The following NCOR2 variants were observed in gnomAD, a reference collection of about 807,000 sequenced individuals.
NCOR2 encodes the protein CTG repeat protein 26.
NCOR2 carries 81 observed loss-of-function variants against 262.9 expected under a neutral mutation model. The ratio of observed to expected loss-of-function variants is 0.31; its 90% CI spans 0.26 to 0.37. NCOR2 has a LOEUF of 0.37. Among genes scored for constraint, NCOR2 ranks in the 10% least tolerant of loss-of-function variants. The probability of loss-of-function intolerance (pLI) is 1.00; values close to 1 mark genes in which losing one functional copy is unlikely to be tolerated. For synonymous variants in NCOR2, 1,659 were observed against 1,559.3 expected (o/e 1.06, Z -1.51); for missense variants, 3,385 against 3,621.4 (o/e 0.93, Z 1.68).
Position 124,483,862 on chromosome 12 carries a change from A to G in NCOR2, c.234-89T>C. The G allele has an allele frequency of 2.2e-6, 3 of 1,377,918 alleles. No individual in the cohort carries two copies. Among genetic ancestry groups the G allele is most frequent in the South Asian group, 1.5e-5 (1 of 65,974 alleles). 85.4% of individuals were successfully genotyped at this position (1,377,918 alleles called of 1,614,324 possible). A position where few individuals can be genotyped will look rare whatever the true frequency, so the allele number is the denominator to read the frequency against. ...CGACCACCCTCTGCGCCGAGCATCT[A>G]CTGCGCGCCGTGCTCTGTATGATCC... is the stretch of plus-strand genomic sequence containing the variant. On this transcript the variant is annotated intron_variant, in intron 2 of 46. Coordinates refer to ENST00000405201, the Ensembl canonical transcript of NCOR2. This position sits in a 1 kb window ranked among gnomAD's most constrained non-coding sequence, Gnocchi z 6.3.
intron 16 of NCOR2, among the ~76,000 whole-genome samples, chr12:124,392,234 G>A (rs2041356868): frequency 1.3e-5 from 2 of 152,302 alleles, no homozygotes; most frequent in Admixed American, 1.3e-4. Flanking sequence ...TCATCTTCAA[G>A]GGTGCTGACA....
chr12:124,329,082 A>G, intron 44 of NCOR2: 1 of 469,890 alleles, frequency 2.1e-6, no homozygotes, highest in Non-Finnish European at 4.4e-6. Context: ...AACGATCTCC[A>G]TTTATAAAGG....
In NCOR2 at chr12:124,372,190, G is replaced by A. The variant is rs370796836; in HGVS notation, c.2639C>T (p.Ala880Val). ...CTCGGCCGTGGCCTCAGCGGCCTCC[G>A]CGTCCTTGCCCTTGGCCGGCCCCTC... is the stretch of plus-strand genomic sequence containing the variant. Residue 880 changes from alanine to valine, a missense_variant, in exon 20 of 47, where the codon GCG (alanine) becomes GTG (valine). Coordinates refer to ENST00000405201, the Ensembl canonical transcript of NCOR2. The A allele has an allele frequency of 1.9e-5, 31 of 1,601,474 alleles. No homozygotes were observed. Among genetic ancestry groups the A allele is most frequent in the East Asian group, 8.9e-5 (4 of 44,870 alleles).
chr12:124,399,323 A>G lies in NCOR2; in HGVS notation c.1814-1142T>C, dbSNP rs3782261. 1.8e-4 allele frequency among the ~76,000 whole-genome samples: 27 copies of G among 152,270 alleles called. No homozygotes were observed. In the East Asian group the frequency reaches 5.2e-3, roughly 29 times the overall value. On this transcript the variant is annotated intron_variant, in intron 15 of 46. Transcript: ENST00000405201. The stretch of plus-strand genomic sequence containing the variant: ...GGGTGCTGAGGGTGCCCAGTGCCAG[A>G]AGAGACATGGAAGGCCTAGGAGTGT...
At chr12:124,356,581 A>G in intron 23 of NCOR2, 61 bp downstream of exon 25, 2 of 1,330,264 alleles carry the variant, frequency 1.5e-6, no homozygotes, top group Non-Finnish European at 1.9e-6. Context: ...GCCAGTGCAA[A>G]CAGTGCAAAC....
At chr12:124,333,794 G>A (rs970728523) in intron 41 of NCOR2, among the ~76,000 whole-genome samples, 5 of 152,220 alleles carry the variant, frequency 3.3e-5, no homozygotes, top group Admixed American at 1.3e-4. Context: ...GGGAGTGTGC[G>A]TGAGCATGTG....
intron 1 of NCOR2, among the ~76,000 whole-genome samples, chr12:124,550,589 A>G (rs554297350): frequency 2.0e-5 from 3 of 152,342 alleles, no homozygotes; most frequent in African/African-American, 4.8e-5. Context: ...TCTGGGGGGT[A>G]GGAACGTGGT....
In NCOR2 at chr12:124,503,839, G is replaced by T. The variant is rs1302842979; in HGVS notation, c.-117-8471C>A. 6.6e-6 allele frequency among the ~76,000 whole-genome samples: 1 copy of T among 152,100 alleles called. No individual in the cohort carries two copies. The highest frequency in any genetic ancestry group is 2.4e-5 in the African/African-American group (1 of 41,388). On this transcript the variant is annotated intron_variant, in intron 1 of 46. Coordinates refer to the NCOR2 transcript ENST00000404621. This position sits in a 1 kb window ranked among gnomAD's most constrained non-coding sequence, Gnocchi z 4.3. ...ATCAACTTAGCTGCTTCATTTTCCG[G>T]GTTTTTCTGGTCTTACATTTCTAAC...
At chr12:124,359,430 T>G (rs978460322) in intron 22 of NCOR2, among the ~76,000 whole-genome samples, 1 of 152,214 alleles carries the variant, frequency 6.6e-6, no homozygotes, top group Non-Finnish European at 1.5e-5. Context: ...TGTACCAAAT[T>G]GCCCCCAATT....
intron 31 of NCOR2, 103 bp downstream of exon 33, chr12:124,346,461 C>T: frequency 1.6e-6 from 2 of 1,259,704 alleles, no homozygotes; most frequent in Non-Finnish European, 1.0e-6. Flanking sequence ...TACGCGAGGG[C>T]TCTCAGCCTC....
intron 1 of NCOR2, among the ~76,000 whole-genome samples, chr12:124,543,862 C>T (rs548684253): frequency 2.6e-5 from 4 of 152,348 alleles, no homozygotes; most frequent in South Asian, 2.1e-4. Flanking sequence ...CCCTCACCCT[C>T]ACAGGCACCG....
chr12:124,500,434 G>A lies in NCOR2; in HGVS notation c.-117-5066C>T, dbSNP rs145131159. Among the ~76,000 whole-genome samples, 64 of 152,298 alleles carry A rather than the reference G, an allele frequency of 4.2e-4. No individual in the cohort carries two copies. In the East Asian group the frequency reaches 0.012, roughly 28 times the overall value. ...CAAGTGGGCCACATTCCCTGTTCCC[G>A]GCCACTGCGGGCTTTGGTAAGGTTT... On this transcript the variant is annotated intron_variant, in intron 1 of 46. Coordinates refer to the NCOR2 transcript ENST00000404621.
At position 124,442,325 on chromosome 12, in the gene NCOR2, G is replaced by A. The variant is rs1011104513; in HGVS notation, c.816-4329C>T. 3.7e-4 allele frequency among the ~76,000 whole-genome samples: 57 copies of A among 152,246 alleles called. 1 individual carries two copies. The highest frequency in any genetic ancestry group is 1.2e-3 in the African/African-American group (50 of 41,524). ...TACTTGGCTAATTTATTTTTTGGTA[G>A]AGATGAGGTCTTGCTTTGTTGCCCA... On this transcript the variant is annotated intron_variant, in intron 7 of 46. Coordinates refer to ENST00000405201, the Ensembl canonical transcript of NCOR2.
At chr12:124,346,613 G>C (rs769278609) in exon 31 of NCOR2, 1 of 1,591,822 alleles carries the variant, frequency 6.3e-7, no homozygotes, top group Non-Finnish European at 8.5e-7. Flanking sequence ...GGGCAGCTCG[G>C]GCGTGTGCCG....
intron 17 of NCOR2, 82 bp downstream of exon 19, chr12:124,385,663 G>A: frequency 6.4e-7 from 1 of 1,554,740 alleles, no homozygotes; most frequent in Non-Finnish European, 8.7e-7. Context: ...ATGCCTCCTG[G>A]GGTGCAGAGA....
intron 3 of NCOR2, among the ~76,000 whole-genome samples, chr12:124,480,857 G>C (rs916704157): frequency 2.2e-4 from 32 of 145,354 alleles, no homozygotes; most frequent in African/African-American, 8.2e-4. Context: ...GGGGGAGCAA[G>C]GGAATGGGGG....
chr12:124,561,665 A>G (rs2052078034), intron 1 of NCOR2, among the ~76,000 whole-genome samples: 1 of 152,114 alleles, frequency 6.6e-6, no homozygotes, highest in Non-Finnish European at 1.5e-5. Context: ...AAAAAGGACC[A>G]CTGAAAGGGG....
At position 124,334,984 on chromosome 12, in the gene NCOR2, T is replaced by C. The variant is rs1255410581; in HGVS notation, c.6411+151A>G. 5.9e-6 allele frequency: 7 copies of C among 1,188,698 alleles called. No homozygotes were observed. The East Asian group carries it at 1.4e-4, about 24-fold the overall frequency. 73.6% of individuals were successfully genotyped at this position (1,188,698 alleles called of 1,614,324 possible). ...TGCTCGGGGCTTTGGGATCTCACCC[T>C]CACCCACGCCCTGGATCCCCCCAGC... On this transcript the variant is annotated intron_variant, in intron 40 of 46. Transcript: ENST00000405201.
At chr12:124,372,418 C>T in exon 20 of NCOR2, 1 of 1,507,798 alleles carries the variant, frequency 6.6e-7, no homozygotes, top group South Asian at 1.3e-5. Flanking sequence ...CGTAGGGGCT[C>T]CGGTGGCTTC....
Sources: allele counts gnomAD v4.1 joint callset (sites outside exome capture counted in the v4.1 genomes callset), GRCh38; gene constraint gnomAD v4.1.1; non-coding constraint Gnocchi (gnomAD v3.1); transcripts MANE v1.5; gene names NCBI Gene and HGNC (gene_info 2026-07-23, HGNC 2026-07-21).